Variants in GRIK4 observed in about 807,000 individuals in gnomAD.
The protein encoded by GRIK4 is glutamate ionotropic receptor kainate type subunit 4, also known as glutamate receptor ionotropic, kainate 4.
Under a neutral mutation model 104.9 loss-of-function variants are expected in GRIK4, and 40 were observed. The observed-to-expected ratio is 0.38, with a 90% CI of 0.30 to 0.50. The LOEUF (loss-of-function observed/expected upper bound fraction) is 0.50, where lower values mean the gene tolerates loss of function less well. Among genes scored for constraint, GRIK4 ranks in the 20% least tolerant of loss-of-function variants. The pLI is 0.93. For synonymous variants in GRIK4, 485 were observed against 524.9 expected (o/e 0.92, Z 1.04); for missense variants, 1,047 against 1,308.1 (o/e 0.80, Z 3.08).
intron 3 of GRIK4, among the ~76,000 whole-genome samples, chr11:120,779,013 C>T (rs913874399): frequency 1.3e-5 from 2 of 152,192 alleles, no homozygotes; most frequent in Non-Finnish European, 2.9e-5. Flanking sequence ...CTTGACTGCT[C>T]TCCTGTCAGC....
At chr11:120,823,846 G>T (rs1953186021) in intron 6 of GRIK4, among the ~76,000 whole-genome samples, 1 of 152,200 alleles carries the variant, frequency 6.6e-6, no homozygotes, top group Non-Finnish European at 1.5e-5. Context: ...AGAGCTGCTG[G>T]AACTCACCTG....
chr11:120,697,610 G>A lies in GRIK4; in HGVS notation c.82+37210G>A, dbSNP rs184331946. Among the ~76,000 whole-genome samples, 93 of 152,248 alleles carry A rather than the reference G, an allele frequency of 6.1e-4. 1 individual carries two copies. The East Asian group carries it at 0.017, about 28-fold the overall frequency. On this transcript the variant is annotated intron_variant, in intron 3 of 20. Coordinates refer to ENST00000527524, the MANE Select transcript of GRIK4 (RefSeq NM_014619.5). ...AGTCTGGGCGACAGAGTGAGACTCTGTCTCCAAAAAAAAGAATTTGTATTC... is the reference window on the plus strand; with the variant it reads ...AGTCTGGGCGACAGAGTGAGACTCTATCTCCAAAAAAAAGAATTTGTATTC...
intron 19 of GRIK4, among the ~76,000 whole-genome samples, chr11:120,974,823 A>G (rs1342698162): frequency 3.9e-5 from 6 of 152,264 alleles, no homozygotes; most frequent in Non-Finnish European, 7.3e-5. Flanking sequence ...TGGAGATTAC[A>G]AAAAGGAACA....
intron 3 of GRIK4, among the ~76,000 whole-genome samples, chr11:120,704,024 G>A (rs945990670): frequency 1.3e-5 from 2 of 152,198 alleles, no homozygotes; most frequent in African/African-American, 4.8e-5. Flanking sequence ...CCGTTCACTA[G>A]CTTTGTTGCC....
intron 3 of GRIK4, among the ~76,000 whole-genome samples, chr11:120,699,645 A>G (rs1232856900): frequency 6.6e-6 from 1 of 151,980 alleles, no homozygotes; most frequent in Non-Finnish European, 1.5e-5. Context: ...GGTGATAGGG[A>G]ATGTCCAAGG....
At chr11:120,530,841 A>G (rs1026130457) in intron 1 of GRIK4, among the ~76,000 whole-genome samples, 3 of 151,990 alleles carry the variant, frequency 2.0e-5, no homozygotes, top group Non-Finnish European at 4.4e-5. Flanking sequence ...GATGAGGAGA[A>G]CTCTGATTGT....
Position 120,986,121 on chromosome 11 carries a change from T to C in GRIK4, c.2732T>C (p.Leu911Pro), listed in dbSNP as rs1214249424. 7 of 1,518,948 alleles carry C rather than the reference T, an allele frequency of 4.6e-6. No individual in the cohort carries two copies. The highest frequency in any genetic ancestry group is 2.0e-5 in the Admixed American group (1 of 49,722). The allele number at this position is 1,518,948 out of a possible 1,614,324, so 94.1% of individuals were successfully genotyped here. ...LAQRLAQEAA[L>P]VARGCTHIRV... Reference sequence around the variant, plus strand: ...CAGAGACTGGCGCAGGAGGCCGCCCTGGTGGCCCGCGGCTGCACGCACATC... The same window carrying C: ...CAGAGACTGGCGCAGGAGGCCGCCCCGGTGGCCCGCGGCTGCACGCACATC... The change falls in exon 21 of 21, where the codon CTG becomes CCG. Residue 911 changes from leucine (L) to proline (P), a missense_variant. Physicochemically the swap from Leu to Pro is moderately conservative, Grantham distance 98 (BLOSUM62 -3). Transcript: ENST00000527524.
rs1332687535 is a variant in GRIK4, at chr11:120,542,755, T to C, written c.-159+30868T>C. ...CATGAAAACCACAATGAGATGACAT[T>C]TCACAAGAGTTAGGATGGCCATAAT... On this transcript the variant is annotated intron_variant, in intron 1 of 20. Transcript: ENST00000527524. Among the ~76,000 whole-genome samples, 8 of 152,310 alleles carry C rather than the reference T, an allele frequency of 5.3e-5. No homozygotes were observed. The East Asian group carries it at 1.5e-3, about 29-fold the overall frequency.
At chr11:120,620,058 T>G (rs1949166236) in intron 1 of GRIK4, 3 of 646,564 alleles carry the variant, frequency 4.6e-6, no homozygotes, top group Non-Finnish European at 8.7e-6. Context: ...ATACTTTTGA[T>G]AGCACATGTG....
chr11:120,745,993 T>A (rs1305356162), intron 3 of GRIK4, among the ~76,000 whole-genome samples: 2 of 152,178 alleles, frequency 1.3e-5, no homozygotes, highest in Non-Finnish European at 2.9e-5. Context: ...CTGCTCTTAA[T>A]GAGTTTGGGA....
intron 3 of GRIK4, among the ~76,000 whole-genome samples, chr11:120,717,306 G>T (rs938400643): frequency 3.3e-5 from 5 of 152,224 alleles, no homozygotes; most frequent in Non-Finnish European, 7.3e-5. Context: ...CAGAAGGGCA[G>T]CTGCTGTGGG....
At chr11:120,959,266 C>T (rs550352165) in intron 16 of GRIK4, among the ~76,000 whole-genome samples, 13 of 152,280 alleles carry the variant, frequency 8.5e-5, no homozygotes, top group African/African-American at 2.9e-4. Flanking sequence ...CAGCCAGAAC[C>T]AAAACCCAGC....
At chr11:120,955,881 C>T (rs776077477) in intron 15 of GRIK4, among the ~76,000 whole-genome samples, 1 of 151,752 alleles carries the variant, frequency 6.6e-6, no homozygotes, top group African/African-American at 2.4e-5. Context: ...TAGACACCAT[C>T]GAGGCCAGTG....
chr11:120,795,204 A>G (rs60319624), intron 3 of GRIK4, among the ~76,000 whole-genome samples: 5,123 of 152,310 alleles, frequency 0.034, 270 homozygotes, highest in African/African-American at 0.12. Flanking sequence ...ACCGAAGTGC[A>G]TGGAAATCTT....
chr11:120,787,314 G>A (rs529452248), intron 3 of GRIK4, among the ~76,000 whole-genome samples: 2 of 152,216 alleles, frequency 1.3e-5, no homozygotes, highest in African/African-American at 4.8e-5. Flanking sequence ...GGACAGCAGA[G>A]TGAGACCCTG....
intron 3 of GRIK4, among the ~76,000 whole-genome samples, chr11:120,787,254 G>A (rs1425436758): frequency 1.3e-5 from 2 of 151,934 alleles, no homozygotes; most frequent in South Asian, 2.1e-4. Context: ...GCTTGAGCCC[G>A]GGAAGCCAAG....
At chr11:120,945,435 C>T (rs527638572) in intron 14 of GRIK4, among the ~76,000 whole-genome samples, 4 of 152,126 alleles carry the variant, frequency 2.6e-5, no homozygotes, top group African/African-American at 2.4e-5. Context: ...TTTTATGATA[C>T]GATTTTTGGT....
At chr11:120,930,092 C>T (rs1017916527) in intron 13 of GRIK4, among the ~76,000 whole-genome samples, 1 of 152,044 alleles carries the variant, frequency 6.6e-6, no homozygotes, top group Non-Finnish European at 1.5e-5. Context: ...AAAGTCACTG[C>T]GAACAGTGCA....
chr11:120,865,408 G>C (rs1455590770), intron 9 of GRIK4, among the ~76,000 whole-genome samples: 2 of 152,262 alleles, frequency 1.3e-5, no homozygotes, highest in Non-Finnish European at 2.9e-5. Context: ...GGAGCAGCTT[G>C]TCTAAGCTGG....
Sources: gnomAD v4.1 joint callset for allele counts (sites outside exome capture counted in the v4.1 genomes callset) on GRCh38, gnomAD v4.1.1 for gene constraint, MANE v1.5 for transcripts, NCBI Gene and HGNC (gene_info 2026-07-23, HGNC 2026-07-21) for gene names.